The following TMEM74 variants were observed in gnomAD, a reference collection of about 807,000 sequenced individuals.
The protein encoded by TMEM74 is transmembrane protein 74.
A neutral mutation model predicts 18.1 loss-of-function variants in TMEM74; 13 were observed. That is an observed-to-expected ratio of 0.72 (90% CI 0.47 to 1.14). TMEM74 has a LOEUF of 1.14. TMEM74 is among the 50% of genes most tolerant of loss of function. The pLI, the probability that TMEM74 is intolerant of heterozygous loss-of-function variation, is 0.00. For synonymous variants in TMEM74, 159 were observed against 146.6 expected (o/e 1.08, Z -0.61); for missense variants, 372 against 375.9 (o/e 0.99, Z 0.09).
intron 1 of TMEM74, among the ~76,000 whole-genome samples, chr8:108,739,958 G>A (rs1485851845): frequency 6.6e-6 from 1 of 152,126 alleles, no homozygotes; most frequent in Non-Finnish European, 1.5e-5. Flanking sequence ...CGAGCTCTGG[G>A]AGCCCACACT....
At chr8:108,778,407 G>T (rs1463626441), downstream of TMEM74, among the ~76,000 whole-genome samples, 2 of 152,096 alleles carry the variant, frequency 1.3e-5, no homozygotes, top group African/African-American at 4.8e-5. Context: ...GACCTGCAAG[G>T]GTCATATAGC....
chr8:108,741,181 TA>T (rs141294530), intron 1 of TMEM74, among the ~76,000 whole-genome samples: 1 of 152,134 alleles, frequency 6.6e-6, no homozygotes, highest in African/African-American at 2.4e-5. Context: ...AAAACTACTT[TA>T]AAAAAATCAG....
intron 1 of TMEM74, among the ~76,000 whole-genome samples, chr8:108,736,820 C>A (rs6993219): frequency 2.6e-5 from 4 of 151,834 alleles, no homozygotes; most frequent in Non-Finnish European, 1.5e-5. Context: ...TGAGTAGAAT[C>A]TTGGGTTACT....
At chr8:108,775,517 C>A (rs552219027), downstream of TMEM74, among the ~76,000 whole-genome samples, 3 of 152,134 alleles carry the variant, frequency 2.0e-5, no homozygotes, top group Non-Finnish European at 4.4e-5. Flanking sequence ...GTTCCGTGTG[C>A]CAATAACCAT....
chr8:108,681,909 G>T (rs1813119069), intron 1 of TMEM74, among the ~76,000 whole-genome samples: 1 of 152,076 alleles, frequency 6.6e-6, no homozygotes, highest in Non-Finnish European at 1.5e-5. Context: ...AATACATCTT[G>T]CCATCTCTAC....
intron 2 of TMEM74, among the ~76,000 whole-genome samples, chr8:108,615,583 C>G (rs1368941795): frequency 6.6e-6 from 1 of 152,020 alleles, no homozygotes; most frequent in Non-Finnish European, 1.5e-5. Flanking sequence ...GATTAATGTG[C>G]AAGACATTTA....
chr8:108,711,739 T>A (rs1290598518), intron 1 of TMEM74, among the ~76,000 whole-genome samples: 1 of 152,066 alleles, frequency 6.6e-6, no homozygotes, highest in Non-Finnish European at 1.5e-5. Context: ...CCAGCCCATG[T>A]AAGAGGGAGG....
chr8:108,716,784 T>TA (rs796807845), intron 1 of TMEM74, among the ~76,000 whole-genome samples: 30 of 147,090 alleles, frequency 2.0e-4, no homozygotes, highest in South Asian at 6.5e-4. Flanking sequence ...CTTTAAGAAT[T>TA]AAAAAAAAAC....
chr8:108,658,080 C>T (rs1303765157), intron 1 of TMEM74, among the ~76,000 whole-genome samples: 1 of 150,832 alleles, frequency 6.6e-6, no homozygotes, highest in East Asian at 2.0e-4. Flanking sequence ...ACAAGCTGAC[C>T]AGCTTGTGAC....
At chr8:108,623,056 TA>T (rs1812459013) in intron 2 of TMEM74, among the ~76,000 whole-genome samples, 1 of 152,118 alleles carries the variant, frequency 6.6e-6, no homozygotes, top group Admixed American at 6.6e-5. Context: ...CCTCTCCTTT[TA>T]CAAATATTCT....
At chr8:108,617,239 T>G (rs1812393508) in intron 2 of TMEM74, among the ~76,000 whole-genome samples, 3 of 152,036 alleles carry the variant, frequency 2.0e-5, no homozygotes, top group Admixed American at 6.6e-5. Flanking sequence ...TGAGGTTTAC[T>G]CTTTTCCTTA....
chr8:108,781,386 G>A lies in TMEM74; in HGVS notation c.*2795C>T, dbSNP rs1400099053. 6.6e-6 allele frequency among the ~76,000 whole-genome samples: 1 copy of A among 152,156 alleles called. No homozygotes were observed. The highest frequency in any genetic ancestry group is 2.1e-4 in the South Asian group (1 of 4,834). On this transcript the variant is annotated 3_prime_UTR_variant, in exon 2 of 2. Transcript: ENST00000297459. ...CCAAAAACACTCTTTGTCAGATTGGGAAAAACAGGAAATAAAGCACATGGC... is the reference window on the plus strand; with the variant it reads ...CCAAAAACACTCTTTGTCAGATTGGAAAAAACAGGAAATAAAGCACATGGC...
Position 108,784,297 on chromosome 8 carries a change from A to G in TMEM74, c.802T>C (p.Ser268Pro). 6.2e-7 allele frequency: 1 copy of G among 1,613,950 alleles called. No individual in the cohort carries two copies. Among genetic ancestry groups the G allele is most frequent in the Non-Finnish European group, 8.5e-7 (1 of 1,179,994 alleles). ...CCATAGAGTTTTGCAGACTCTTTGG[A>G]AGAGGCAAATCTGTTTCGACGATAG... Reference protein sequence around the residue: ...ELYRRNRFASSKESAKLYGSF... With the variant: ...ELYRRNRFASPKESAKLYGSF... Residue 268 changes from serine to proline, a missense_variant, in exon 2 of 2, where the codon TCC (serine) becomes CCC (proline). Physicochemically the swap from Ser to Pro is moderately conservative, Grantham distance 74. Coordinates refer to ENST00000297459, the MANE Select transcript of TMEM74 (RefSeq NM_153015.3).
In TMEM74 at chr8:108,637,285, A is replaced by T. The variant is rs571307283; in HGVS notation, n.264+18008T>A. Among the ~76,000 whole-genome samples, 384 of 152,186 alleles carry T rather than the reference A, an allele frequency of 2.5e-3. 2 individuals carry two copies. The highest frequency in any genetic ancestry group is 8.9e-3 in the African/African-American group (369 of 41,562). On this transcript the variant is annotated intron_variant and non_coding_transcript_variant, in intron 2 of 3. Coordinates refer to the TMEM74 transcript ENST00000518838. Reference sequence around the variant, plus strand: ...TGTAGCTGACAGTTAAGAAATACATATTTATTATATAATTTTTTAAAATAT... The same window carrying T: ...TGTAGCTGACAGTTAAGAAATACATTTTTATTATATAATTTTTTAAAATAT...
chr8:108,658,037 G>A (rs62512410), intron 1 of TMEM74, among the ~76,000 whole-genome samples: 4,489 of 151,058 alleles, frequency 0.03, 104 homozygotes, highest in South Asian at 0.055. Context: ...CAAGGCAGAA[G>A]GAAAATGAGA....
intron 2 of TMEM74, among the ~76,000 whole-genome samples, chr8:108,642,836 T>A (rs1812679147): frequency 6.6e-6 from 1 of 152,188 alleles, no homozygotes. Flanking sequence ...TATTATATCA[T>A]GAAAAGTTAT....
intron 2 of TMEM74, among the ~76,000 whole-genome samples, chr8:108,619,509 C>A (rs1195669066): frequency 6.6e-6 from 1 of 152,168 alleles, no homozygotes; most frequent in South Asian, 2.1e-4. Context: ...ACAGGCTGTG[C>A]AGCAAGCCAG....
At chr8:108,657,875 T>TATTAATTAC (rs1554630282) in intron 1 of TMEM74, among the ~76,000 whole-genome samples, 4 of 55,562 alleles carry the variant, frequency 7.2e-5, no homozygotes, top group African/African-American at 3.1e-4. Flanking sequence ...TATATATATA[T>TATTAATTAC]ATATATATAT....
At chr8:108,643,315 G>A (rs184801931) in intron 2 of TMEM74, among the ~76,000 whole-genome samples, 19 of 152,244 alleles carry the variant, frequency 1.2e-4, no homozygotes, top group African/African-American at 4.3e-4. Context: ...TGATGCTGCT[G>A]GTCCAAGGAT....
Sources: gnomAD v4.1 joint callset for allele counts (sites outside exome capture counted in the v4.1 genomes callset) on GRCh38, gnomAD v4.1.1 for gene constraint, MANE v1.5 for transcripts, NCBI Gene and HGNC (gene_info 2026-07-23, HGNC 2026-07-21) for gene names.